The following METTL15 variants were observed in gnomAD, a reference collection of about 807,000 sequenced individuals.
The protein encoded by METTL15 is 12S rRNA N(4)-cytidine methyltransferase METTL15.
Under a neutral mutation model 38.3 loss-of-function variants are expected in METTL15, and 34 were observed. The ratio of observed to expected loss-of-function variants is 0.89; its 90% CI spans 0.68 to 1.18. The LOEUF (loss-of-function observed/expected upper bound fraction) is 1.18. Among genes scored for constraint, METTL15 ranks in the 50% most tolerant of loss-of-function variants. The pLI, the probability that METTL15 is intolerant of heterozygous loss-of-function variation, is 0.00. For missense variants in METTL15, 438 were observed against 498.4 expected, an observed-to-expected ratio of 0.88 and a Z score of 1.15; for synonymous variants, 162 against 170.9, an observed-to-expected ratio of 0.95 and a Z score of 0.41.
chr11:28,490,573 G>T (rs1851486097), intron 6 of METTL15, among the ~76,000 whole-genome samples: 1 of 152,064 alleles, frequency 6.6e-6, no homozygotes, highest in Non-Finnish European at 1.5e-5. Flanking sequence ...AATTTATCTA[G>T]GGTGAGATCT....
chr11:28,380,542 A>G lies in METTL15; in HGVS notation c.*358+18506A>G, dbSNP rs1012115253. On this transcript the variant is annotated intron_variant and NMD_transcript_variant, in intron 5 of 7. Transcript: ENST00000532947. ...GCTTTCTGGTTGTTTTGTAACTCAT[A>G]TCTTCTTTTCTTTCTTACTGTCTTC... is the stretch of plus-strand genomic sequence containing the variant. 7.2e-5 allele frequency among the ~76,000 whole-genome samples: 11 copies of G among 152,060 alleles called. No individual in the cohort carries two copies. The East Asian group carries it at 7.7e-4, about 11-fold the overall frequency.
At chr11:28,267,476 TTA>T (rs200142751) in intron 4 of METTL15, among the ~76,000 whole-genome samples, 7 of 152,170 alleles carry the variant, frequency 4.6e-5, no homozygotes, top group African/African-American at 9.7e-5. Context: ...CTTCTCTACT[TTA>T]TGTTACTTTG....
chr11:28,305,228 C>A (rs193201407), intron 6 of METTL15, among the ~76,000 whole-genome samples: 2 of 152,074 alleles, frequency 1.3e-5, no homozygotes, highest in East Asian at 3.9e-4. Flanking sequence ...AGAAAGAAAA[C>A]CTGAGTAACT....
At chr11:28,390,998 A>T (rs541260564) in intron 5 of METTL15, among the ~76,000 whole-genome samples, 2 of 152,216 alleles carry the variant, frequency 1.3e-5, no homozygotes, top group East Asian at 1.9e-4. Context: ...GCAATTGTGA[A>T]TGGGAGTTCA....
At chr11:28,259,089 A>G (rs1855090476) in intron 4 of METTL15, among the ~76,000 whole-genome samples, 1 of 152,020 alleles carries the variant, frequency 6.6e-6, no homozygotes, top group Non-Finnish European at 1.5e-5. Flanking sequence ...TCCAGTTAAC[A>G]GGTATGATGA....
At chr11:28,406,635 G>A (rs570427214) in intron 5 of METTL15, among the ~76,000 whole-genome samples, 6 of 152,230 alleles carry the variant, frequency 3.9e-5, no homozygotes, top group African/African-American at 1.4e-4. Flanking sequence ...TGCAAATAGA[G>A]ACAGTTTGAC....
intron 6 of METTL15, among the ~76,000 whole-genome samples, chr11:28,471,786 T>C (rs1307578899): frequency 6.6e-6 from 1 of 151,908 alleles, no homozygotes; most frequent in Non-Finnish European, 1.5e-5. Flanking sequence ...TGGTAGATTA[T>C]AAATCTCCTG....
chr11:28,276,023 C>G (rs1350644337), intron 4 of METTL15, among the ~76,000 whole-genome samples: 1 of 151,942 alleles, frequency 6.6e-6, no homozygotes, highest in Non-Finnish European at 1.5e-5. Context: ...AGTCTTTTCT[C>G]TAGGAACTGT....
chr11:28,408,982 G>C (rs1357061960), intron 5 of METTL15, among the ~76,000 whole-genome samples: 1 of 152,110 alleles, frequency 6.6e-6, no homozygotes, highest in Admixed American at 6.5e-5. Context: ...CAAACATATA[G>C]AATTTTTCAT....
At chr11:28,353,931 CAAA>C (rs374097845) in intron 4 of METTL15, among the ~76,000 whole-genome samples, 51 of 46,350 alleles carry the variant, frequency 1.1e-3, no homozygotes, top group Non-Finnish European at 2.0e-3. Context: ...GACTCCGTCT[CAAA>C]AAAAAAAAAA....
At chr11:28,116,616 A>T (rs1851971424) in intron 3 of METTL15, among the ~76,000 whole-genome samples, 1 of 152,204 alleles carries the variant, frequency 6.6e-6, no homozygotes, top group East Asian at 1.9e-4. Context: ...CTATATGTAT[A>T]AGGTGTACTA....
At chr11:28,162,744 G>A (rs1476180369) in intron 3 of METTL15, among the ~76,000 whole-genome samples, 8 of 151,892 alleles carry the variant, frequency 5.3e-5, no homozygotes, top group Non-Finnish European at 1.2e-4. Flanking sequence ...TAGACAAATA[G>A]GTAAAATAAA....
intron 6 of METTL15, among the ~76,000 whole-genome samples, chr11:28,497,910 C>A (rs976712146): frequency 6.6e-6 from 1 of 151,984 alleles, no homozygotes; most frequent in Non-Finnish European, 1.5e-5. Context: ...AAAAAGTAGC[C>A]AGGCGTGGTG....
chr11:28,484,925 G>C (rs1161177966), intron 6 of METTL15, among the ~76,000 whole-genome samples: 1 of 152,064 alleles, frequency 6.6e-6, no homozygotes, highest in African/African-American at 2.4e-5. Context: ...GCTTAGAACT[G>C]TGCCTGCTCA....
intron 5 of METTL15, among the ~76,000 whole-genome samples, chr11:28,363,726 A>G (rs1426413383): frequency 6.6e-6 from 1 of 152,140 alleles, no homozygotes; most frequent in Non-Finnish European, 1.5e-5. Context: ...TTTTGTTGCA[A>G]TTGCTTTTGG....
chr11:28,314,082 T>C (rs751735877), intron 6 of METTL15, among the ~76,000 whole-genome samples: 1 of 152,218 alleles, frequency 6.6e-6, no homozygotes, highest in Non-Finnish European at 1.5e-5. Context: ...AAGATATCTA[T>C]AATTTATGAT....
chr11:28,245,993 C>T (rs995350304), intron 4 of METTL15, among the ~76,000 whole-genome samples: 2 of 151,868 alleles, frequency 1.3e-5, no homozygotes, highest in African/African-American at 4.8e-5. Context: ...TAGAGCCAAA[C>T]CAAATCAGTA....
rs145773740 is a variant in METTL15, at chr11:28,359,123, C to T, written c.*259-2814C>T. Among the ~76,000 whole-genome samples, 397 of 152,164 alleles carry T rather than the reference C, an allele frequency of 2.6e-3. 2 individuals are homozygous for T. The highest frequency in any genetic ancestry group is 4.0e-3 in the Non-Finnish European group (275 of 68,002). On this transcript the variant is annotated intron_variant and NMD_transcript_variant, in intron 4 of 7. Coordinates refer to the METTL15 transcript ENST00000532947. ...TAGTAGTCCCCAGTGTCTCTTGTTC[C>T]CATCTTTATGTCCATGTGTACCCAA...
intron 3 of METTL15, among the ~76,000 whole-genome samples, chr11:28,139,521 G>A (rs191845728): frequency 9.1e-4 from 138 of 152,208 alleles, no homozygotes; most frequent in Middle Eastern, 6.8e-3. Flanking sequence ...GGAATTATCC[G>A]CATTTACCCA....
Sources: allele counts gnomAD v4.1 joint callset (sites outside exome capture counted in the v4.1 genomes callset), GRCh38; gene constraint gnomAD v4.1.1; transcripts MANE v1.5; gene names NCBI Gene and HGNC (gene_info 2026-07-23, HGNC 2026-07-21).